The following LINGO2 variants were observed in gnomAD, a reference collection of about 807,000 sequenced individuals.
The protein encoded by LINGO2 is leucine-rich repeat and immunoglobulin-like domain-containing nogo receptor-interacting protein 2.
Under a neutral mutation model 30.6 loss-of-function variants are expected in LINGO2, and 14 were observed. The ratio of observed to expected loss-of-function variants is 0.46; its 90% CI spans 0.30 to 0.72. The LOEUF is 0.72. Among genes scored for constraint, LINGO2 ranks in the 30% least tolerant of loss-of-function variants. The pLI is 0.07. For missense variants in LINGO2, 729 were observed against 751.7 expected (o/e 0.97, Z 0.35); for synonymous variants, 317 against 288.5 (o/e 1.10, Z -1.00).
intron 1 of LINGO2, among the ~76,000 whole-genome samples, chr9:28,576,947 A>G (rs1000092473): frequency 6.6e-6 from 1 of 152,208 alleles, no homozygotes; most frequent in African/African-American, 2.4e-5. Flanking sequence ...TTTTGCAAAA[A>G]TTGTAACAGT....
chr9:28,974,965 T>G, the LINGO2 span, among the ~76,000 whole-genome samples: 1 of 152,134 alleles, frequency 6.6e-6, no homozygotes. Flanking sequence ...TTGCTGTAAA[T>G]GACTTGGTAA....
the LINGO2 span, among the ~76,000 whole-genome samples, chr9:28,711,066 G>T: frequency 0.028 from 4,252 of 152,010 alleles, 87 homozygotes; most frequent in Non-Finnish European, 0.042. Flanking sequence ...CCTCATCTCT[G>T]TGTTAATATT....
At chr9:28,275,725 GGTAA>G (rs1823093486) in intron 4 of LINGO2, among the ~76,000 whole-genome samples, 1 of 152,100 alleles carries the variant, frequency 6.6e-6, no homozygotes, top group Non-Finnish European at 1.5e-5. Context: ...AGAACTACCA[GGTAA>G]TGTGAATATC....
chr9:28,674,701 T>G (rs994611669), upstream of LINGO2, among the ~76,000 whole-genome samples: 4 of 152,172 alleles, frequency 2.6e-5, no homozygotes, highest in Non-Finnish European at 5.9e-5. Flanking sequence ...TATTTATGAT[T>G]ATTGATACTT....
At chr9:28,822,121 C>A in the LINGO2 span, among the ~76,000 whole-genome samples, 1 of 152,068 alleles carries the variant, frequency 6.6e-6, no homozygotes, top group Non-Finnish European at 1.5e-5. Context: ...GTCCTTATGC[C>A]CTCCAGTCCC....
intron 5 of LINGO2, among the ~76,000 whole-genome samples, chr9:27,992,892 CAT>C (rs1821470016): frequency 6.6e-6 from 1 of 152,102 alleles, no homozygotes; most frequent in Non-Finnish European, 1.5e-5. Context: ...ACTTTCTATA[CAT>C]AGACACATGA....
At chr9:28,223,405 T>C (rs1001628239) in intron 4 of LINGO2, among the ~76,000 whole-genome samples, 5 of 152,168 alleles carry the variant, frequency 3.3e-5, no homozygotes, top group African/African-American at 9.7e-5. Context: ...TACAATGGCC[T>C]AAATCTCATT....
the LINGO2 span, among the ~76,000 whole-genome samples, chr9:29,101,087 T>C: frequency 2.0e-5 from 3 of 152,212 alleles, no homozygotes; most frequent in Non-Finnish European, 4.4e-5. Flanking sequence ...TATTTATTTC[T>C]TGTAACACTC....
rs148403830 is a variant in LINGO2, at chr9:28,387,698, C to T, written c.-278-14830G>A. Among the ~76,000 whole-genome samples, 9 of 152,256 alleles carry T rather than the reference C, an allele frequency of 5.9e-5. No individual in the cohort carries two copies. In the East Asian group the frequency reaches 1.4e-3, roughly 23 times the overall value. ...CCTTTAAGAGCTGTAACACTCACTGCGAAGGTTTGCAGCTTCACTCCTGAA... is the reference window on the plus strand; with the variant it reads ...CCTTTAAGAGCTGTAACACTCACTGTGAAGGTTTGCAGCTTCACTCCTGAA... On this transcript the variant is annotated intron_variant, in intron 2 of 5. Coordinates refer to ENST00000379992, the Ensembl canonical transcript of LINGO2.
intron 3 of LINGO2, among the ~76,000 whole-genome samples, chr9:28,362,088 A>G (rs927512035): frequency 6.6e-6 from 1 of 152,232 alleles, no homozygotes; most frequent in African/African-American, 2.4e-5. Context: ...ACCTTGATCT[A>G]GAGGATCAGA....
chr9:28,505,617 C>A (rs1467353598), intron 1 of LINGO2, among the ~76,000 whole-genome samples: 1 of 151,780 alleles, frequency 6.6e-6, no homozygotes, highest in Non-Finnish European at 1.5e-5. Flanking sequence ...AAACAGAGGG[C>A]TTTTTGTTCC....
At chr9:27,945,982 G>A (rs567906090), downstream of LINGO2, among the ~76,000 whole-genome samples, 10 of 151,978 alleles carry the variant, frequency 6.6e-5, no homozygotes, top group South Asian at 2.1e-4. Context: ...GTAGTCTATC[G>A]GAGGCCAATT....
intron 1 of LINGO2, among the ~76,000 whole-genome samples, chr9:28,549,144 T>A (rs1460343111): frequency 6.6e-6 from 1 of 152,128 alleles, no homozygotes; most frequent in African/African-American, 2.4e-5. Context: ...TTTTCCATCA[T>A]TTTGAATTAT....
the LINGO2 span, among the ~76,000 whole-genome samples, chr9:28,738,556 C>T: frequency 1.3e-5 from 2 of 151,756 alleles, no homozygotes; most frequent in Non-Finnish European, 2.9e-5. Flanking sequence ...ATCAGTATGG[C>T]GTATTTCTGC....
At chr9:29,181,243 T>C in the LINGO2 span, among the ~76,000 whole-genome samples, 85 of 152,280 alleles carry the variant, frequency 5.6e-4, no homozygotes, top group Middle Eastern at 3.4e-3. Flanking sequence ...ATCTATGAAA[T>C]AGAAGCAAAA....
chr9:29,187,211 C>G, the LINGO2 span, among the ~76,000 whole-genome samples: 1 of 152,146 alleles, frequency 6.6e-6, no homozygotes, highest in African/African-American at 2.4e-5. Flanking sequence ...ACATATAAGT[C>G]CAGTGAAATT....
the LINGO2 span, among the ~76,000 whole-genome samples, chr9:28,804,243 A>G: frequency 6.6e-6 from 1 of 152,126 alleles, no homozygotes; most frequent in East Asian, 1.9e-4. Flanking sequence ...CTTTATATAC[A>G]GTTACATATG....
the LINGO2 span, among the ~76,000 whole-genome samples, chr9:28,911,751 G>A: frequency 1.3e-5 from 2 of 152,086 alleles, no homozygotes; most frequent in Admixed American, 6.6e-5. Flanking sequence ...GGAAGGTACA[G>A]TGTGAAGACA....
intron 4 of LINGO2, among the ~76,000 whole-genome samples, chr9:28,072,344 C>A (rs1374147437): frequency 2.0e-5 from 3 of 152,184 alleles, no homozygotes; most frequent in African/African-American, 7.2e-5. Context: ...GGTGACCATG[C>A]CAGGGAATAT....
Sources: allele counts gnomAD v4.1 joint callset (sites outside exome capture counted in the v4.1 genomes callset), GRCh38; gene constraint gnomAD v4.1.1; transcripts MANE v1.5; gene names NCBI Gene and HGNC (gene_info 2026-07-23, HGNC 2026-07-21).